Variants in EMSY observed in about 807,000 individuals in gnomAD.
EMSY encodes the protein EMSY transcriptional repressor, BRCA2 interacting, also known as BRCA2-interacting transcriptional repressor EMSY.
Under a neutral mutation model 134.6 loss-of-function variants are expected in EMSY, and 26 were observed. That is an observed-to-expected ratio of 0.19 (90% CI 0.14 to 0.27). The LOEUF (loss-of-function observed/expected upper bound fraction) is 0.27. EMSY is among the 10% of genes least tolerant of loss of function. EMSY has a pLI of 1.00. For missense variants in EMSY, 1,305 were observed against 1,611.4 expected (o/e 0.81, Z 3.26); for synonymous variants, 579 against 577.8 (o/e 1.00, Z -0.03).
At chr11:76,537,909 C>G in exon 16 of EMSY, 1 of 1,613,730 alleles carries the variant, frequency 6.2e-7, no homozygotes, top group South Asian at 1.1e-5. Flanking sequence ...CCATCAATTG[C>G]TGTGGTAGAG....
At chr11:76,548,823 G>C (rs1462284497) in intron 20 of EMSY, among the ~76,000 whole-genome samples, 1 of 152,186 alleles carries the variant, frequency 6.6e-6, no homozygotes, top group African/African-American at 2.4e-5. Context: ...ATTTTGGTCA[G>C]GCATATTTGC....
At chr11:76,489,370 A>C (rs1319572463) in intron 8 of EMSY, among the ~76,000 whole-genome samples, 1 of 147,184 alleles carries the variant, frequency 6.8e-6, no homozygotes, top group Non-Finnish European at 1.5e-5. Flanking sequence ...AGGGAAGTGT[A>C]AAAGTCTGTA....
intron 8 of EMSY, 58 bp downstream of exon 9, chr11:76,472,898 A>C: frequency 1.3e-6 from 2 of 1,569,002 alleles, no homozygotes; most frequent in Non-Finnish European, 8.7e-7. Flanking sequence ...TTTTGAAGAA[A>C]ACTTGGTGGG....
At chr11:76,458,157 G>A in intron 4 of EMSY, 26 bp from the exon 6 acceptor site, 1 of 1,574,024 alleles carries the variant, frequency 6.4e-7, no homozygotes, top group Non-Finnish European at 8.6e-7. Flanking sequence ...GAAAACCCTT[G>A]TAGCAGCGCT....
exon 21 of EMSY, chr11:76,550,182 G>A (rs1318004477): frequency 6.7e-7 from 1 of 1,496,086 alleles, no homozygotes; most frequent in Non-Finnish European, 9.0e-7. Context: ...AAACCTGCTT[G>A]GTTACCAAGT....
chr11:76,506,299 C>A (rs2508760), intron 9 of EMSY, among the ~76,000 whole-genome samples: 81,936 of 151,936 alleles, frequency 0.54, 23,208 homozygotes, highest in South Asian at 0.67. Context: ...ATTGTCTAAC[C>A]TCATACCAGT....
chr11:76,472,635 A>G (rs1565291123), exon 8 of EMSY: 1 of 1,614,142 alleles, frequency 6.2e-7, no homozygotes, highest in Admixed American at 1.7e-5. Flanking sequence ...ATAACTATGC[A>G]GCAGTCACTA....
chr11:76,503,102 A>G (rs1378916332), intron 9 of EMSY, among the ~76,000 whole-genome samples: 1 of 152,088 alleles, frequency 6.6e-6, no homozygotes, highest in Non-Finnish European at 1.5e-5. Flanking sequence ...GGATTTCGAC[A>G]TCAGACTGGC....
At chr11:76,546,977 G>A (rs937227999) in intron 20 of EMSY, 3 of 426,542 alleles carry the variant, frequency 7.0e-6, no homozygotes, top group East Asian at 1.5e-4. Context: ...ATAATAGATG[G>A]TACCTCACAT....
At position 76,475,793 on chromosome 11, in the gene EMSY, G is replaced by A. The variant is rs139297599; in HGVS notation, c.1108+2953G>A. 3.0e-4 allele frequency among the ~76,000 whole-genome samples: 46 copies of A among 152,332 alleles called. 1 individual carries two copies. In the East Asian group the frequency reaches 8.5e-3, roughly 28 times the overall value. ...GCTCCTGTGTGGGTACATCAGGCAA[G>A]AGGGCATTCAGTGTCTCCTACTATG... On this transcript the variant is annotated intron_variant, in intron 8 of 20. Transcript: ENST00000334736.
chr11:76,474,550 T>C (rs895505521), intron 8 of EMSY, among the ~76,000 whole-genome samples: 2 of 152,226 alleles, frequency 1.3e-5, no homozygotes, highest in African/African-American at 4.8e-5. Context: ...TACATAGATA[T>C]GGATGCAGTC....
intron 11 of EMSY, among the ~76,000 whole-genome samples, chr11:76,520,421 T>A (rs1389179840): frequency 6.6e-6 from 1 of 152,092 alleles, no homozygotes; most frequent in African/African-American, 2.4e-5. Context: ...GCATAGTAAA[T>A]CATGTCAAAA....
chr11:76,493,217 T>G (rs1303411441), intron 8 of EMSY, among the ~76,000 whole-genome samples: 1 of 152,184 alleles, frequency 6.6e-6, no homozygotes, highest in East Asian at 1.9e-4. Context: ...GGCACTGACG[T>G]GCCAGCCCCC....
intron 6 of EMSY, among the ~76,000 whole-genome samples, chr11:76,463,069 A>G (rs1303655463): frequency 6.6e-6 from 1 of 152,118 alleles, no homozygotes; most frequent in African/African-American, 2.4e-5. Flanking sequence ...TAATCCCAGC[A>G]CTTTGGGAGG....
At chr11:76,539,724 A>G (rs1316441298) in intron 17 of EMSY, 84 bp downstream of exon 18, 1 of 1,296,522 alleles carries the variant, frequency 7.7e-7, no homozygotes, top group Admixed American at 1.7e-5. Context: ...GATGCGCTCT[A>G]CTCTCATCTG....
intron 2 of EMSY, among the ~76,000 whole-genome samples, chr11:76,450,189 T>C (rs1182301556): frequency 3.3e-5 from 5 of 152,134 alleles, no homozygotes. Flanking sequence ...CACCATTTGG[T>C]ATATATAATG....
At chr11:76,492,308 G>A (rs189591862) in intron 8 of EMSY, among the ~76,000 whole-genome samples, 107 of 151,966 alleles carry the variant, frequency 7.0e-4, no homozygotes, top group South Asian at 3.3e-3. Flanking sequence ...ACCTCTACTC[G>A]ACTAAAAATA....
At chr11:76,496,506 C>T in intron 9 of EMSY, 37 bp downstream of exon 10, 1 of 1,605,008 alleles carries the variant, frequency 6.2e-7, no homozygotes, top group Non-Finnish European at 8.5e-7. Context: ...GGTAATTCTT[C>T]TTTATTCACC....
exon 7 of EMSY, chr11:76,463,977 A>C: frequency 6.2e-7 from 1 of 1,614,226 alleles, no homozygotes; most frequent in South Asian, 1.1e-5. Flanking sequence ...AAGATGAGCA[A>C]CATCATGCAG....
Sources: allele counts gnomAD v4.1 joint callset (sites outside exome capture counted in the v4.1 genomes callset), GRCh38; gene constraint gnomAD v4.1.1; transcripts MANE v1.5; gene names NCBI Gene and HGNC (gene_info 2026-07-23, HGNC 2026-07-21).